BMP5: variants seen among roughly 807,000 people sequenced by gnomAD.
BMP5 encodes the protein bone morphogenetic protein 5.
Under a neutral mutation model 46.6 loss-of-function variants are expected in BMP5, and 23 were observed. The ratio of observed to expected loss-of-function variants is 0.49; its 90% CI spans 0.35 to 0.70. BMP5 has a LOEUF of 0.70. Ranked by LOEUF, BMP5 falls within the 30% of genes least tolerant of loss-of-function variation. The pLI, the probability that BMP5 is intolerant of heterozygous loss-of-function variation, is 0.00. For missense variants in BMP5, 545 were observed against 565.6 expected, an observed-to-expected ratio of 0.96 and a Z score of 0.37; for synonymous variants, 204 against 191.9, an observed-to-expected ratio of 1.06 and a Z score of -0.52.
At chr6:55,776,710 A>G (rs1188861439) in intron 3 of BMP5, among the ~76,000 whole-genome samples, 1 of 152,000 alleles carries the variant, frequency 6.6e-6, no homozygotes, top group Non-Finnish European at 1.5e-5. Context: ...ATGTTCATAA[A>G]TGGAATACAA....
At chr6:55,814,856 G>A (rs543552259) in intron 2 of BMP5, among the ~76,000 whole-genome samples, 77 of 152,288 alleles carry the variant, frequency 5.1e-4, no homozygotes, top group Middle Eastern at 3.4e-3. Flanking sequence ...ATGGCCAAGC[G>A]TGGTGGCTCA....
chr6:55,850,124 T>A (rs916126744), intron 1 of BMP5, among the ~76,000 whole-genome samples: 7 of 152,144 alleles, frequency 4.6e-5, no homozygotes, highest in African/African-American at 1.7e-4. Context: ...ATCTCAGGTG[T>A]CATCTACAAG....
chr6:55,868,559 T>C (rs1582134050), intron 1 of BMP5, among the ~76,000 whole-genome samples: 1 of 137,920 alleles, frequency 7.3e-6, no homozygotes, highest in Non-Finnish European at 1.5e-5. Flanking sequence ...AGACCTTTCT[T>C]ACTAATCTAC....
At chr6:55,844,399 T>C (rs552822473) in intron 1 of BMP5, among the ~76,000 whole-genome samples, 2 of 152,138 alleles carry the variant, frequency 1.3e-5, no homozygotes, top group Non-Finnish European at 2.9e-5. Flanking sequence ...ACTATCAATG[T>C]AGGGAAGATA....
chr6:55,800,086 A>G (rs950253724), intron 2 of BMP5, among the ~76,000 whole-genome samples: 8 of 152,216 alleles, frequency 5.3e-5, no homozygotes, highest in African/African-American at 1.9e-4. Context: ...TGCACTTTCG[A>G]TAGCATAGTA....
At chr6:55,798,234 CA>C (rs1345263646) in intron 2 of BMP5, among the ~76,000 whole-genome samples, 3 of 152,050 alleles carry the variant, frequency 2.0e-5, no homozygotes, top group Non-Finnish European at 4.4e-5. Flanking sequence ...ACCCTATGTC[CA>C]AAAAAGGTCA....
chr6:55,861,250 G>T (rs1007908670), intron 1 of BMP5, among the ~76,000 whole-genome samples: 1 of 152,116 alleles, frequency 6.6e-6, no homozygotes, highest in South Asian at 2.1e-4. Context: ...ATCCCCAGTG[G>T]GGTCAGAGAA....
rs188363183 is a variant in BMP5 at position 55,787,917 on chromosome 6, C to T, written c.832+6362G>A. Among the ~76,000 whole-genome samples the T allele has an allele frequency of 2.4e-4, 37 of 151,562 alleles. No homozygotes were observed. The East Asian group carries it at 6.6e-3, about 27-fold the overall frequency. On this transcript the variant is annotated intron_variant, in intron 3 of 6. Transcript: ENST00000370830. ...CTTTCCCAGCATTTTTTGGGAAATA[C>T]CATTTACATGGTGGAGATTTTATAT...
intron 2 of BMP5, among the ~76,000 whole-genome samples, chr6:55,805,540 G>T (rs1267839675): frequency 6.6e-6 from 1 of 151,398 alleles, no homozygotes; most frequent in Non-Finnish European, 1.5e-5. Flanking sequence ...CCACGTCTTT[G>T]CTTTATAGCA....
intron 2 of BMP5, among the ~76,000 whole-genome samples, chr6:55,817,053 C>T (rs879574262): frequency 3.9e-4 from 60 of 152,156 alleles, no homozygotes; most frequent in Non-Finnish European, 7.9e-4. Context: ...CAATGAGATA[C>T]CATCTCACAC....
intron 2 of BMP5, among the ~76,000 whole-genome samples, chr6:55,809,608 A>C (rs1306777719): frequency 6.6e-6 from 1 of 152,084 alleles, no homozygotes; most frequent in African/African-American, 2.4e-5. Flanking sequence ...GTATGCATGC[A>C]TATATTATAT....
At chr6:55,769,593 T>C (rs1774999077) in intron 4 of BMP5, among the ~76,000 whole-genome samples, 2 of 151,952 alleles carry the variant, frequency 1.3e-5, no homozygotes, top group Non-Finnish European at 1.5e-5. Context: ...CCCTTGTTAA[T>C]GTTGATATTT....
chr6:55,777,294 A>C, intron 3 of BMP5, among the ~76,000 whole-genome samples: 1 of 152,124 alleles, frequency 6.6e-6, no homozygotes, highest in South Asian at 2.1e-4. Flanking sequence ...TTCTTTATAA[A>C]ACTTTATTTG....
At chr6:55,840,175 G>C (rs1471418095) in intron 1 of BMP5, among the ~76,000 whole-genome samples, 1 of 151,914 alleles carries the variant, frequency 6.6e-6, no homozygotes, top group African/African-American at 2.4e-5. Context: ...ATTGTTTTAT[G>C]TCAGTATACA....
rs983775161 is a variant in BMP5 at position 55,873,620 on chromosome 6, A to G, written c.490+756T>C. Among the ~76,000 whole-genome samples the G allele has an allele frequency of 2.0e-5, 3 of 151,960 alleles. 1 individual carries two copies. The East Asian group carries it at 5.8e-4, about 29-fold the overall frequency. On this transcript the variant is annotated intron_variant, in intron 1 of 6. Transcript: ENST00000370830. ...CCAGCTACAACTAAAACATAATTTT[A>G]AAATTTTCTCATTAATATTGTTGTG...
chr6:55,796,491 ATTT>A (rs910619168), intron 2 of BMP5, among the ~76,000 whole-genome samples: 2 of 150,730 alleles, frequency 1.3e-5, no homozygotes, highest in South Asian at 4.2e-4. Context: ...TGGAATTTGT[ATTT>A]TTTTTCTTTT....
chr6:55,769,972 C>A (rs1297881293), intron 4 of BMP5, among the ~76,000 whole-genome samples: 1 of 151,884 alleles, frequency 6.6e-6, no homozygotes, highest in African/African-American at 2.4e-5. Flanking sequence ...ATGCACTGTT[C>A]ATCCAGGTTT....
chr6:55,766,714 C>T (rs1376766091), intron 4 of BMP5, among the ~76,000 whole-genome samples: 1 of 152,036 alleles, frequency 6.6e-6, no homozygotes, highest in Non-Finnish European at 1.5e-5. Context: ...TGCTCCTTAT[C>T]ATCACATACC....
intron 2 of BMP5, among the ~76,000 whole-genome samples, chr6:55,811,222 A>T (rs778691803): frequency 3.0e-4 from 46 of 152,198 alleles, no homozygotes; most frequent in Non-Finnish European, 6.3e-4. Context: ...GAGATGATGT[A>T]AATATGAAGC....
Sources: allele counts gnomAD v4.1 joint callset (sites outside exome capture counted in the v4.1 genomes callset), GRCh38; gene constraint gnomAD v4.1.1; transcripts MANE v1.5; gene names NCBI Gene and HGNC (gene_info 2026-07-23, HGNC 2026-07-21).